The following EYA1 variants were observed in gnomAD, a reference collection of about 807,000 sequenced individuals.
The protein encoded by EYA1 is EYA transcriptional coactivator and phosphatase 1.
A neutral mutation model predicts 82.0 loss-of-function variants in EYA1; 16 were observed. That is an observed-to-expected ratio of 0.20 (90% CI 0.13 to 0.30). The LOEUF (loss-of-function observed/expected upper bound fraction) is 0.30, where lower values mean the gene tolerates loss of function less well. Among genes scored for constraint, EYA1 ranks in the 10% least tolerant of loss-of-function variants. The probability of loss-of-function intolerance (pLI) is 1.00; values close to 1 mark genes in which losing one functional copy is unlikely to be tolerated. For synonymous variants in EYA1, 261 were observed against 264.4 expected, an observed-to-expected ratio of 0.99 and a Z score of 0.12; for missense variants, 633 against 730.7, an observed-to-expected ratio of 0.87 and a Z score of 1.54.
At chr8:71,285,750 A>G (rs1414266327) in intron 9 of EYA1, among the ~76,000 whole-genome samples, 1 of 152,224 alleles carries the variant, frequency 6.6e-6, no homozygotes. Flanking sequence ...TGTTGTTAAC[A>G]AAGTAAGTGC....
chr8:71,227,449 T>G (rs1810692197), intron 12 of EYA1, among the ~76,000 whole-genome samples: 1 of 152,212 alleles, frequency 6.6e-6, no homozygotes, highest in Non-Finnish European at 1.5e-5. Flanking sequence ...TTCTTTTTAT[T>G]GCAAACTTGC....
chr8:71,361,565 G>C (rs1378430289), intron 1 of EYA1, 82 bp downstream of exon 1: 1 of 652,934 alleles, frequency 1.5e-6, no homozygotes, highest in East Asian at 1.4e-4. Context: ...AATAATAAAA[G>C]CGCTCCTGTT....
intron 2 of EYA1, among the ~76,000 whole-genome samples, chr8:71,491,964 A>T (rs1299660458): frequency 1.3e-5 from 2 of 152,120 alleles, no homozygotes; most frequent in African/African-American, 4.8e-5. Flanking sequence ...CATAATGTTA[A>T]TGCCAACCAG....
chr8:71,313,160 C>A (rs1198287054), intron 7 of EYA1, among the ~76,000 whole-genome samples: 3 of 152,286 alleles, frequency 2.0e-5, no homozygotes, highest in Non-Finnish European at 4.4e-5. Context: ...TACAGCTTTT[C>A]CTCTCTCCTG....
chr8:71,443,022 T>C (rs1454844380), intron 2 of EYA1, among the ~76,000 whole-genome samples: 5 of 152,166 alleles, frequency 3.3e-5, no homozygotes, highest in Admixed American at 2.6e-4. Flanking sequence ...ACAAACTGGC[T>C]ATCAACAAGA....
intron 3 of EYA1, among the ~76,000 whole-genome samples, chr8:71,351,523 T>C (rs1472441550): frequency 1.3e-5 from 2 of 152,182 alleles, no homozygotes; most frequent in African/African-American, 4.8e-5. Context: ...TGTATAAAAA[T>C]GTGAATAGTT....
chr8:71,545,755 G>A (rs1390482854), intron 1 of EYA1, among the ~76,000 whole-genome samples: 1 of 151,442 alleles, frequency 6.6e-6, no homozygotes, highest in Non-Finnish European at 1.5e-5. Flanking sequence ...TAGTGGCAGG[G>A]TTTCACCCGT....
chr8:71,393,502 G>A (rs936307518), intron 2 of EYA1, among the ~76,000 whole-genome samples: 1 of 152,070 alleles, frequency 6.6e-6, no homozygotes, highest in Non-Finnish European at 1.5e-5. Context: ...GTGTCCAAGT[G>A]TTCTCATTGT....
At chr8:71,437,071 T>A (rs1207880037) in intron 2 of EYA1, among the ~76,000 whole-genome samples, 1 of 135,544 alleles carries the variant, frequency 7.4e-6, no homozygotes, top group East Asian at 2.0e-4. Flanking sequence ...TATATATATA[T>A]CTCCATCTTG....
chr8:71,433,392 T>C (rs527583554), intron 2 of EYA1, among the ~76,000 whole-genome samples: 197 of 152,336 alleles, frequency 1.3e-3, no homozygotes, highest in Non-Finnish European at 2.0e-3. Context: ...ACATGAATGA[T>C]TTTAAATTAA....
intron 2 of EYA1, among the ~76,000 whole-genome samples, chr8:71,509,539 C>T (rs961695681): frequency 1.3e-5 from 2 of 152,082 alleles, no homozygotes; most frequent in Admixed American, 6.5e-5. Context: ...ATCTTTTAAA[C>T]AAAGAAAAAT....
At chr8:71,526,778 T>C (rs11988554) in intron 2 of EYA1, among the ~76,000 whole-genome samples, 4,351 of 152,188 alleles carry the variant, frequency 0.029, 217 homozygotes, top group African/African-American at 0.099. Context: ...TCTGCTGTTT[T>C]TTTCTCCCTA....
chr8:71,201,325 C>A (rs1036479352), intron 17 of EYA1, among the ~76,000 whole-genome samples: 1 of 150,698 alleles, frequency 6.6e-6, no homozygotes, highest in Non-Finnish European at 1.5e-5. Flanking sequence ...ATCCATATAC[C>A]AGGTGTGACT....
At chr8:71,208,079 AT>A (rs1182428786) in intron 17 of EYA1, among the ~76,000 whole-genome samples, 5 of 152,212 alleles carry the variant, frequency 3.3e-5, no homozygotes, top group African/African-American at 9.7e-5. Context: ...TGAGGCAAAC[AT>A]TTAGGAACTG....
intron 1 of EYA1, among the ~76,000 whole-genome samples, chr8:71,545,441 A>G (rs1175818907): frequency 6.6e-6 from 1 of 152,190 alleles, no homozygotes; most frequent in Non-Finnish European, 1.5e-5. Context: ...AACAATTAGT[A>G]AATCAATACT....
chr8:71,263,814 A>G (rs1815434027), intron 11 of EYA1, among the ~76,000 whole-genome samples: 1 of 152,224 alleles, frequency 6.6e-6, no homozygotes, highest in African/African-American at 2.4e-5. Flanking sequence ...TAAAGGCCTG[A>G]CAGAAGCAGA....
chr8:71,502,694 A>G (rs1027230801), intron 2 of EYA1, among the ~76,000 whole-genome samples: 7 of 152,216 alleles, frequency 4.6e-5, no homozygotes, highest in African/African-American at 1.7e-4. Flanking sequence ...CGCTACAGAT[A>G]AGGTGCCTGA....
intron 2 of EYA1, among the ~76,000 whole-genome samples, chr8:71,479,075 ATAGGGACC>A (rs1287025416): frequency 5.3e-5 from 8 of 152,112 alleles, no homozygotes; most frequent in African/African-American, 1.7e-4. Context: ...GTGCTATGTG[ATAGGGACC>A]TACTTTCCCA....
At chr8:71,226,292 T>G (rs1810546749) in intron 12 of EYA1, among the ~76,000 whole-genome samples, 1 of 152,196 alleles carries the variant, frequency 6.6e-6, no homozygotes, top group Admixed American at 6.5e-5. Flanking sequence ...TATATCACTT[T>G]AGCGTGTGGC....
Sources: allele counts gnomAD v4.1 joint callset (sites outside exome capture counted in the v4.1 genomes callset), GRCh38; gene constraint gnomAD v4.1.1; transcripts MANE v1.5; gene names NCBI Gene and HGNC (gene_info 2026-07-23, HGNC 2026-07-21).